Variants in NLRP12 observed in about 807,000 individuals in gnomAD.
NLRP12 encodes the protein NLR family pyrin domain containing 12, also known as NACHT, LRR and PYD domains-containing protein 12.
Under a neutral mutation model 91.2 loss-of-function variants are expected in NLRP12, and 108 were observed. The ratio of observed to expected loss-of-function variants is 1.18; its 90% confidence interval spans 1.01 to 1.39. NLRP12 has a LOEUF of 1.39. Ranked by LOEUF, NLRP12 falls within the 40% of genes most tolerant of loss-of-function variation. The pLI is 0.00. For synonymous variants in NLRP12, 613 were observed against 566.7 expected, an observed-to-expected ratio of 1.08 and a Z score of -1.16; for missense variants, 1,530 against 1,352.7, an observed-to-expected ratio of 1.13 and a Z score of -2.06.
chr19:53,820,441 A>G (rs60670677), intron 1 of NLRP12, among the ~76,000 whole-genome samples: 151 of 149,946 alleles, frequency 1.0e-3, no homozygotes, highest in African/African-American at 3.6e-3. Context: ...GAGGCAGGAG[A>G]ATCACTGGAA....
At chr19:53,806,865 TAAA>T (rs199586270) in intron 4 of NLRP12, among the ~76,000 whole-genome samples, 1 of 137,626 alleles carries the variant, frequency 7.3e-6, no homozygotes, top group Non-Finnish European at 1.5e-5. Context: ...CTCAAAAATT[TAAA>T]AAAAAAAAAA....
intron 7 of NLRP12, among the ~76,000 whole-genome samples, chr19:53,799,658 T>C (rs1238597329): frequency 2.0e-5 from 3 of 151,956 alleles, no homozygotes; most frequent in Non-Finnish European, 4.4e-5. Context: ...AATTTTTATA[T>C]TTTTAGTAGA....
At chr19:53,818,081 T>G (rs2092189949) in intron 1 of NLRP12, among the ~76,000 whole-genome samples, 1 of 133,140 alleles carries the variant, frequency 7.5e-6, no homozygotes, top group African/African-American at 2.6e-5. Context: ...TGCAGCTGGT[T>G]GGCAATTTTT....
Position 53,807,520 on chromosome 19 carries a change from G to A in NLRP12, c.2218C>T (p.Pro740Ser), listed in dbSNP as rs1232397820. ...VKLLCQGLRHPNCKLQNLRLK... is the reference protein window; with the variant it reads ...VKLLCQGLRHSNCKLQNLRLK... ...CTCAGGTTCTGAAGTTTGCAGTTGG[G>A]GTGTCTGAGTCCTTGACAGAGCAGC... The change falls in exon 4 of 10, where the codon CCC becomes TCC. Residue 740 changes from proline to serine, a missense_variant. Pro to Ser is a moderately conservative substitution (Grantham distance 74, BLOSUM62 -1). Coordinates refer to ENST00000324134, the MANE Select transcript of NLRP12 (RefSeq NM_144687.4). 1.2e-6 allele frequency: 2 copies of A among 1,613,936 alleles called. No homozygotes were observed. Among genetic ancestry groups the A allele is most frequent in the African/African-American group, 1.3e-5 (1 of 74,916 alleles).
chr19:53,794,340 GAC>G (rs1049023741), intron 9 of NLRP12, among the ~76,000 whole-genome samples: 8 of 150,008 alleles, frequency 5.3e-5, no homozygotes, highest in Non-Finnish European at 1.0e-4. Flanking sequence ...TTTTTTTTGA[GAC>G]ACAGTCTCAT....
intron 1 of NLRP12, among the ~76,000 whole-genome samples, chr19:53,817,425 T>A (rs1219948644): frequency 6.7e-6 from 1 of 148,836 alleles, no homozygotes; most frequent in African/African-American, 2.5e-5. Flanking sequence ...CGAGACTCCA[T>A]CTCAAGAAAG....
At chr19:53,811,367 G>A (rs1325330250) in intron 2 of NLRP12, 79 bp from the exon 3 acceptor site, 16 of 1,525,584 alleles carry the variant, frequency 1.0e-5, no homozygotes, top group African/African-American at 1.4e-5. Context: ...CGCTCCTCAT[G>A]TGGCTCAAAG....
rs753109542 is a variant in NLRP12 at position 53,810,739 on chromosome 19, T to C, written c.920A>G (p.Gln307Arg). ...DELKPSFHDP[Q>R]GPWCLCWEEK... The stretch of plus-strand genomic sequence containing the variant: ...CTCCCAGCAGAGGCACCAGGGTCCC[T>C]GAGGATCGTGGAAAGAAGGCTTGAG... The change falls in exon 3 of 10, where the codon CAG becomes CGG. Residue 307 changes from glutamine to arginine, a missense_variant. Transcript: ENST00000324134. 3 of 1,613,956 alleles carry C rather than the reference T, an allele frequency of 1.9e-6. No homozygotes were observed. The highest frequency in any genetic ancestry group is 2.5e-6 in the Non-Finnish European group (3 of 1,180,014).
At chr19:53,803,580 A>G (rs1600689134) in intron 6 of NLRP12, 1 of 343,360 alleles carries the variant, frequency 2.9e-6, no homozygotes, top group East Asian at 7.6e-5. Flanking sequence ...CCACTATTCT[A>G]CTTTGTTTTT....
chr19:53,801,137 A>C, intron 7 of NLRP12, 90 bp downstream of exon 7: 1 of 1,175,462 alleles, frequency 8.5e-7, no homozygotes, highest in Non-Finnish European at 1.3e-6. Flanking sequence ...AGAGTTTAGG[A>C]GCAGAGACAA....
At chr19:53,804,186 C>T (rs2091918783) in intron 5 of NLRP12, 64 bp from the exon 6 acceptor site, 4 of 1,542,514 alleles carry the variant, frequency 2.6e-6, no homozygotes, top group Non-Finnish European at 3.6e-6. Context: ...ATCACTCATG[C>T]TCCAGCCTGT....
intron 2 of NLRP12, 124 bp downstream of exon 2, chr19:53,814,784 C>G (rs953390225): frequency 1.2e-6 from 1 of 805,554 alleles, no homozygotes. Flanking sequence ...GAAACTGCCC[C>G]TTTGATGGTG....
At position 53,819,599 on chromosome 19, in the gene NLRP12, G is replaced by A. The variant is rs372228148; in HGVS notation, c.289+4287C>T. 3.6e-3 allele frequency among the ~76,000 whole-genome samples: 142 copies of A among 39,394 alleles called. 22 individuals are homozygous for A. Among genetic ancestry groups the A allele is most frequent in the Middle Eastern group, 0.014 (1 of 74 alleles). 25.8% of individuals were successfully genotyped at this position (39,394 alleles called of 152,430 possible). ...TATATATGTATGTATACGTATATAC[G>A]CATATATATGTATGTATACGTATAT... On this transcript the variant is annotated intron_variant, in intron 1 of 9. Transcript: ENST00000324134.
rs2091696410 is a variant in NLRP12 at position 53,793,883 on chromosome 19, C to A, written c.*166G>T. The A allele has an allele frequency of 2.9e-6, 2 of 701,440 alleles. No homozygotes were observed. Among genetic ancestry groups the A allele is most frequent in the South Asian group, 1.5e-5 (1 of 66,268 alleles). The allele number at this position is 701,440 out of a possible 1,614,324, so 43.5% of individuals were successfully genotyped here. ...TACATACATGAGCCACCACGCCTGG[C>A]CAGCTCTGTCAAACATTAATTTGAT... On this transcript the variant is annotated 3_prime_UTR_variant, in exon 10 of 10. Transcript: ENST00000324134.
intron 4 of NLRP12, among the ~76,000 whole-genome samples, chr19:53,807,213 G>A (rs866410953): frequency 1.3e-4 from 19 of 151,998 alleles, no homozygotes; most frequent in East Asian, 5.8e-4. Flanking sequence ...GATTACAGGC[G>A]CCCGCCACCA....
chr19:53,796,072 C>A, intron 8 of NLRP12, 43 bp from the exon 9 acceptor site: 1 of 1,590,882 alleles, frequency 6.3e-7, no homozygotes. Context: ...CCAGGGGCTA[C>A]TTATGTTATT....
chr19:53,804,654 G>A (rs184110925), intron 5 of NLRP12, among the ~76,000 whole-genome samples: 7,138 of 150,106 alleles, frequency 0.048, 246 homozygotes, highest in Non-Finnish European at 0.073. Flanking sequence ...CAGGTGATCC[G>A]CCTGCCTTGG....
chr19:53,820,400 C>T lies in NLRP12; in HGVS notation c.289+3486G>A, dbSNP rs570007318. On this transcript the variant is annotated intron_variant, in intron 1 of 9. Coordinates refer to ENST00000324134, the MANE Select transcript of NLRP12 (RefSeq NM_144687.4). The stretch of plus-strand genomic sequence containing the variant: ...CAAAAATTAGCTGGGTGTGGTGGCA[C>T]GCACCTGTAGTCCCAGCTACTCAGG... Among the ~76,000 whole-genome samples the T allele has an allele frequency of 5.9e-5, 9 of 152,082 alleles. No homozygotes were observed. In the South Asian group the frequency reaches 1.0e-3, roughly 18 times the overall value.
chr19:53,806,491 C>G (rs549672441), intron 4 of NLRP12, among the ~76,000 whole-genome samples: 2 of 151,580 alleles, frequency 1.3e-5, no homozygotes, highest in South Asian at 4.2e-4. Flanking sequence ...ACCATCCTGG[C>G]TAATATGGTG....
Sources: allele counts gnomAD v4.1 joint callset (sites outside exome capture counted in the v4.1 genomes callset), GRCh38; gene constraint gnomAD v4.1.1; transcripts MANE v1.5; gene names NCBI Gene and HGNC (gene_info 2026-07-23, HGNC 2026-07-21).